The following FSTL4 variants were observed in gnomAD, a reference collection of about 807,000 sequenced individuals.
The protein encoded by FSTL4 is follistatin like 4.
In FSTL4, 28 loss-of-function variants were observed where a neutral mutation model predicts 78.2. The ratio of observed to expected loss-of-function variants is 0.36; its 90% confidence interval spans 0.27 to 0.49. The LOEUF (loss-of-function observed/expected upper bound fraction) is 0.49, where lower values mean the gene tolerates loss of function less well. Ranked by LOEUF, FSTL4 falls within the 20% of genes least tolerant of loss-of-function variation. The pLI, the probability that FSTL4 is intolerant of heterozygous loss-of-function variation, is 0.98. For missense variants in FSTL4, 922 were observed against 1,084.9 expected (o/e 0.85, Z 2.11); for synonymous variants, 422 against 440.5 (o/e 0.96, Z 0.53).
chr5:133,656,273 G>T, the FSTL4 span, among the ~76,000 whole-genome samples: 1 of 152,088 alleles, frequency 6.6e-6, no homozygotes, highest in South Asian at 2.1e-4. Context: ...GGGAACTCTG[G>T]GATCTAGTAT....
At chr5:133,827,227 T>A in the FSTL4 span, among the ~76,000 whole-genome samples, 3 of 152,174 alleles carry the variant, frequency 2.0e-5, no homozygotes, top group Non-Finnish European at 4.4e-5. Context: ...CCAGGCTTTG[T>A]TTGCTTTTAA....
At chr5:133,556,042 C>T (rs574585016) in intron 3 of FSTL4, among the ~76,000 whole-genome samples, 8 of 152,286 alleles carry the variant, frequency 5.3e-5, no homozygotes, top group Non-Finnish European at 1.0e-4. Flanking sequence ...CACAGCTCCC[C>T]GAGATGGGAG....
At chr5:133,689,998 T>C in the FSTL4 span, among the ~76,000 whole-genome samples, 76 of 152,086 alleles carry the variant, frequency 5.0e-4, no homozygotes, top group Middle Eastern at 6.8e-3. Flanking sequence ...GAGGCAGAGT[T>C]TGCAGTGAGC....
the FSTL4 span, among the ~76,000 whole-genome samples, chr5:133,642,253 C>T: frequency 2.0e-5 from 3 of 152,134 alleles, no homozygotes; most frequent in Admixed American, 6.5e-5. Flanking sequence ...GTGCTACCAG[C>T]GTTAGTGGCA....
rs186077111 is a variant in FSTL4 at position 133,279,615 on chromosome 5, G to A, written c.728-30039C>T. 1.2e-4 allele frequency among the ~76,000 whole-genome samples: 18 copies of A among 152,292 alleles called. No homozygotes were observed. In the East Asian group the frequency reaches 1.9e-3, roughly 16 times the overall value. ...CGGGGAGGGTGGAAGCCACAGGATC[G>A]GAGTGGTCAGGTGGGGTGGAGGGGC... On this transcript the variant is annotated intron_variant, in intron 6 of 15. Coordinates refer to ENST00000265342, the MANE Select transcript of FSTL4 (RefSeq NM_015082.2).
chr5:133,708,134 G>A, the FSTL4 span, among the ~76,000 whole-genome samples: 3 of 142,650 alleles, frequency 2.1e-5, no homozygotes, highest in East Asian at 6.6e-4. Context: ...GGGGGAGGGA[G>A]GGGGCAAGGA....
the FSTL4 span, among the ~76,000 whole-genome samples, chr5:133,835,874 T>C: frequency 1.3e-5 from 2 of 152,226 alleles, no homozygotes; most frequent in South Asian, 2.1e-4. Context: ...CTTTCTATAT[T>C]ATGAAGCTAT....
chr5:133,762,706 A>C, the FSTL4 span, among the ~76,000 whole-genome samples: 1 of 152,172 alleles, frequency 6.6e-6, no homozygotes, highest in Non-Finnish European at 1.5e-5. Flanking sequence ...CACCAATAGC[A>C]ACCAGGACTC....
At chr5:133,539,039 T>C (rs1759414680) in intron 3 of FSTL4, among the ~76,000 whole-genome samples, 1 of 152,140 alleles carries the variant, frequency 6.6e-6, no homozygotes, top group South Asian at 2.1e-4. Context: ...GGATCCACCG[T>C]GAGCAATCTA....
intron 3 of FSTL4, among the ~76,000 whole-genome samples, chr5:133,443,761 C>A (rs1197202749): frequency 6.6e-6 from 1 of 152,202 alleles, no homozygotes; most frequent in Non-Finnish European, 1.5e-5. Context: ...TAGGAGGCCC[C>A]ATCCCATCTC....
chr5:133,548,987 C>A (rs972143035), intron 3 of FSTL4, among the ~76,000 whole-genome samples: 2 of 152,138 alleles, frequency 1.3e-5, no homozygotes, highest in African/African-American at 2.4e-5. Flanking sequence ...ATAAGTCTCT[C>A]ATAAGTAATC....
At chr5:133,525,330 G>A (rs1407801634) in intron 3 of FSTL4, among the ~76,000 whole-genome samples, 3 of 152,186 alleles carry the variant, frequency 2.0e-5, no homozygotes, top group African/African-American at 7.2e-5. Flanking sequence ...GCCTGTGCCT[G>A]ACTTCTACCT....
the FSTL4 span, among the ~76,000 whole-genome samples, chr5:133,697,125 T>C: frequency 6.6e-6 from 1 of 152,356 alleles, no homozygotes; most frequent in Non-Finnish European, 1.5e-5. Context: ...TCTTTGTCTC[T>C]GCCAGTGACT....
At chr5:133,755,511 T>G in the FSTL4 span, among the ~76,000 whole-genome samples, 1 of 151,824 alleles carries the variant, frequency 6.6e-6, no homozygotes, top group Non-Finnish European at 1.5e-5. Flanking sequence ...CCTCACATCC[T>G]CTCCTCCCCC....
chr5:133,370,780 C>G (rs554419622), intron 4 of FSTL4, among the ~76,000 whole-genome samples: 1 of 152,110 alleles, frequency 6.6e-6, no homozygotes, highest in South Asian at 2.1e-4. Flanking sequence ...GCCCTCAGAG[C>G]AGAGGGGGTG....
chr5:133,486,967 G>A (rs1330404998), intron 3 of FSTL4, among the ~76,000 whole-genome samples: 1 of 152,180 alleles, frequency 6.6e-6, no homozygotes, highest in Non-Finnish European at 1.5e-5. Flanking sequence ...ACACTGGCAG[G>A]AGGCCCCTGA....
At chr5:133,272,537 C>T (rs866790820) in intron 6 of FSTL4, among the ~76,000 whole-genome samples, 21 of 152,312 alleles carry the variant, frequency 1.4e-4, no homozygotes, top group African/African-American at 3.4e-4. Context: ...CATTTAATTT[C>T]GCAAGAGTTT....
At chr5:133,645,055 ATG>A in the FSTL4 span, among the ~76,000 whole-genome samples, 2 of 152,062 alleles carry the variant, frequency 1.3e-5, no homozygotes, top group South Asian at 4.2e-4. Flanking sequence ...CGGAGACCTC[ATG>A]ACCCTTTGGT....
At chr5:133,735,780 C>A in the FSTL4 span, among the ~76,000 whole-genome samples, 1 of 152,284 alleles carries the variant, frequency 6.6e-6, no homozygotes, top group East Asian at 1.9e-4. Context: ...TATGACCCCT[C>A]CATTTGTATG....
Sources: allele counts gnomAD v4.1 joint callset (sites outside exome capture counted in the v4.1 genomes callset), GRCh38; gene constraint gnomAD v4.1.1; transcripts MANE v1.5; gene names NCBI Gene and HGNC (gene_info 2026-07-23, HGNC 2026-07-21).